MMP2: variants seen among roughly 807,000 people sequenced by gnomAD.
MMP2 encodes 72 kDa type IV collagenase.
In MMP2, 39 loss-of-function variants were observed where a neutral mutation model predicts 74.8. The observed-to-expected ratio is 0.52, with a 90% CI of 0.40 to 0.68. The LOEUF is 0.68. MMP2 is among the 30% of genes least tolerant of loss of function. The pLI is 0.00. For synonymous variants in MMP2, 367 were observed against 339.8 expected, an observed-to-expected ratio of 1.08 and a Z score of -0.88; for missense variants, 803 against 878.3, an observed-to-expected ratio of 0.91 and a Z score of 1.08.
Position 55,485,824 on chromosome 16 carries a change from G to C in MMP2, c.832+47G>C, listed in dbSNP as rs1962234764. On this transcript the variant is annotated intron_variant, in intron 5 of 12. Transcript: ENST00000219070. Reference sequence around the variant, plus strand: ...CAAGACTTTCCACCCCAAGCCTCCAGCTTCCCGGGCTCCCCAGTGTGCTCT... The same window carrying C: ...CAAGACTTTCCACCCCAAGCCTCCACCTTCCCGGGCTCCCCAGTGTGCTCT... 3 of 1,596,404 alleles carry C rather than the reference G, an allele frequency of 1.9e-6. No homozygotes were observed. In the East Asian group the frequency reaches 6.7e-5, roughly 36 times the overall value.
intron 12 of MMP2, among the ~76,000 whole-genome samples, chr16:55,503,239 GT>G (rs1332798708): frequency 6.6e-6 from 1 of 152,200 alleles, no homozygotes; most frequent in Non-Finnish European, 1.5e-5. Flanking sequence ...CAGGAGGCCT[GT>G]GACCACCTCC....
At position 55,493,148 on chromosome 16, in the gene MMP2, T is replaced by C; in HGVS notation, c.1337-10T>C. The C allele has an allele frequency of 6.2e-7, 1 of 1,613,282 alleles. No individual in the cohort carries two copies. Among genetic ancestry groups the C allele is most frequent in the Admixed American group, 1.7e-5 (1 of 60,016 alleles). ...GCTGCAGAGAGTCTAAGGTCAGGTG[T>C]TCTCCCCAGGGGCCTCTCCTGACAT... On this transcript the variant is annotated splice_polypyrimidine_tract_variant and intron_variant, in intron 8 of 12. Transcript: ENST00000219070.
chr16:55,493,303 G>A lies in MMP2; in HGVS notation c.1472+10G>A. ...TCTTCTTCAAGGACCGGTGAGTGCA[G>A]GAGCTTGCTTCTTGTCCTCCTTGTC... On this transcript the variant is annotated intron_variant, in intron 9 of 12. Transcript: ENST00000219070. 1.2e-6 allele frequency: 2 copies of A among 1,614,118 alleles called. No individual in the cohort carries two copies. Among genetic ancestry groups the A allele is most frequent in the East Asian group, 4.5e-5 (2 of 44,864 alleles).
At chr16:55,496,905 T>C in intron 9 of MMP2, 21 bp from the exon 10 acceptor site, 14 of 1,613,368 alleles carry the variant, frequency 8.7e-6, no homozygotes, top group Non-Finnish European at 1.2e-5. Context: ...TGGTTTCCTG[T>C]GCCCCCTTGC....
intron 2 of MMP2, 132 bp downstream of exon 2, chr16:55,483,267 A>G: frequency 3.0e-6 from 2 of 675,314 alleles, no homozygotes; most frequent in Non-Finnish European, 2.6e-6. Flanking sequence ...AGGGAGTTTC[A>G]ATACACAGTT....
At chr16:55,490,221 A>G (rs1962370653) in intron 7 of MMP2, among the ~76,000 whole-genome samples, 1 of 152,194 alleles carries the variant, frequency 6.6e-6, no homozygotes, top group Admixed American at 6.5e-5. Flanking sequence ...CCTAAGAGAC[A>G]TTCCCACTGC....
At position 55,502,688 on chromosome 16, in the gene MMP2, A is replaced by C; in HGVS notation, c.1770-91A>C. On this transcript the variant is annotated intron_variant, in intron 11 of 12. Coordinates refer to ENST00000219070, the MANE Select transcript of MMP2 (RefSeq NM_004530.6). ...TAGGTCCAGTTTCCGAGGCCTATCC[A>C]GGAGCCATCAGCTGGGTGCTCCCAT... 14 of 1,151,750 alleles carry C rather than the reference A, an allele frequency of 1.2e-5. No individual in the cohort carries two copies. The South Asian group carries it at 1.8e-4, about 14-fold the overall frequency. The allele number at this position is 1,151,750 out of a possible 1,614,324, so 71.3% of individuals were successfully genotyped here. A position where few individuals can be genotyped will look rare whatever the true frequency, so the allele number is the denominator to read the frequency against.
chr16:55,489,572 G>T lies in MMP2; in HGVS notation c.1007-79G>T, dbSNP rs931658405. 1.2e-5 allele frequency: 18 copies of T among 1,555,356 alleles called. No individual in the cohort carries two copies. In the African/African-American group the frequency reaches 2.4e-4, roughly 21 times the overall value. ...GTCTAACTTAGGTGTGGTTCATTAA[G>T]GTCAGCGTCATGTCATTGCTTCCTG... On this transcript the variant is annotated intron_variant, in intron 6 of 12. Coordinates refer to ENST00000219070, the MANE Select transcript of MMP2 (RefSeq NM_004530.6).
chr16:55,494,203 A>G (rs1459224115), intron 9 of MMP2, among the ~76,000 whole-genome samples: 2 of 152,226 alleles, frequency 1.3e-5, no homozygotes, highest in African/African-American at 4.8e-5. Context: ...CTCTGAAGCC[A>G]GATTCTCTGG....
In MMP2 at chr16:55,498,462, G is replaced by A. The variant is rs775673286; in HGVS notation, c.1769+14G>A. ...CAAATTCTGGAGGTAAGGGAGGGCG[G>A]TGGGTAGGACAGCAGCACAGTTGGC... is the stretch of plus-strand genomic sequence containing the variant. On this transcript the variant is annotated intron_variant, in intron 11 of 12. Coordinates refer to ENST00000219070, the MANE Select transcript of MMP2 (RefSeq NM_004530.6). The A allele has an allele frequency of 5.6e-6, 9 of 1,614,144 alleles. No individual in the cohort carries two copies. In the South Asian group the frequency reaches 9.9e-5, roughly 18 times the overall value.
In MMP2 at chr16:55,497,018, C is replaced by T. The variant is rs762457388; in HGVS notation, c.1565C>T (p.Ala522Val). 62 of 1,613,988 alleles carry T rather than the reference C, an allele frequency of 3.8e-5. No homozygotes were observed. The highest frequency in any genetic ancestry group is 2.5e-4 in the South Asian group (23 of 91,082). The change falls in exon 10 of 13, where the codon GCG becomes GTG. Residue 522 changes from alanine (A) to valine (V), a missense_variant. Ala to Val is a moderately conservative substitution (Grantham distance 64, BLOSUM62 0). Coordinates refer to ENST00000219070, the MANE Select transcript of MMP2 (RefSeq NM_004530.6). Reference protein sequence around the residue: ...FWPELPEKIDAVYEAPQEEKA... With the variant: ...FWPELPEKIDVVYEAPQEEKA... The stretch of plus-strand genomic sequence containing the variant: ...CCTGAGCTCCCGGAAAAGATTGATG[C>T]GGTATACGAGGCCCCACAGGAGGAG...
rs781428467 is a variant in MMP2, at chr16:55,479,491, A to T, written c.12A>T (p.Leu4=). Residue 4 remains leucine, a synonymous_variant, in exon 1 of 13, where the codon CTA becomes CTT. Coordinates refer to ENST00000219070, the MANE Select transcript of MMP2 (RefSeq NM_004530.6). ...CAGGGAGCGCTACGATGGAGGCGCT[A>T]ATGGCCCGGGGCGCGCTCACGGGTC... MEA[L]MARGALTGPL... The T allele has an allele frequency of 6.3e-7, 1 of 1,581,600 alleles. No individual in the cohort carries two copies. Among genetic ancestry groups the T allele is most frequent in the African/African-American group, 1.4e-5 (1 of 73,880 alleles).
chr16:55,495,145 G>A (rs1410071904), intron 9 of MMP2, among the ~76,000 whole-genome samples: 2 of 152,216 alleles, frequency 1.3e-5, no homozygotes, highest in South Asian at 4.1e-4. Flanking sequence ...GAGAAATCAG[G>A]TCCCGTCAGG....
chr16:55,479,639 T>C lies in MMP2; in HGVS notation c.153+7T>C. ...GGACAAAGAGTTGGCAGTGGTGAGT[T>C]GCTGCGCTGGCCTCAAGGAACCACG... On this transcript the variant is annotated splice_region_variant and intron_variant, in intron 1 of 12. Coordinates refer to ENST00000219070, the MANE Select transcript of MMP2 (RefSeq NM_004530.6). 1.2e-6 allele frequency: 2 copies of C among 1,613,712 alleles called. No homozygotes were observed. The highest frequency in any genetic ancestry group is 1.7e-6 in the Non-Finnish European group (2 of 1,179,994).
At chr16:55,498,251 G>A in intron 10 of MMP2, 38 bp from the exon 11 acceptor site, 1 of 1,612,480 alleles carries the variant, frequency 6.2e-7, no homozygotes, top group South Asian at 1.1e-5. Context: ...CCTAGGGCAT[G>A]TCAGCACCAG....
At chr16:55,489,947 T>G in intron 7 of MMP2, 123 bp downstream of exon 7, 1 of 1,114,560 alleles carries the variant, frequency 9.0e-7, no homozygotes, top group Non-Finnish European at 1.3e-6. Flanking sequence ...GACACCCACC[T>G]ACCCAGACCC....
At position 55,505,708 on chromosome 16, in the gene MMP2, A is replaced by T; in HGVS notation, c.*266A>T. The T allele has an allele frequency of 1.9e-6, 1 of 531,060 alleles. No homozygotes were observed. Among genetic ancestry groups the T allele is most frequent in the East Asian group, 3.3e-5 (1 of 30,318 alleles). The allele number at this position is 531,060 out of a possible 1,614,324, so 32.9% of individuals were successfully genotyped here. On this transcript the variant is annotated 3_prime_UTR_variant, in exon 13 of 13. Coordinates refer to ENST00000219070, the MANE Select transcript of MMP2 (RefSeq NM_004530.6). ...GAGCCACCCCTAAAGAGATACTTTG[A>T]TATTTTCAACGCAGCCCTGCTTTGG...
upstream of MMP2, chr16:55,478,970 G>A (rs1032595737): frequency 1.3e-5 from 2 of 152,576 alleles, no homozygotes; most frequent in African/African-American, 4.8e-5. Context: ...AGAGAGGCAA[G>A]TGGGGTGACG....
intron 8 of MMP2, among the ~76,000 whole-genome samples, chr16:55,492,344 C>T (rs1370166897): frequency 6.6e-6 from 1 of 152,086 alleles, no homozygotes; most frequent in Non-Finnish European, 1.5e-5. Context: ...CTTAACAATA[C>T]GGGGGTGGAA....
Sources: gnomAD v4.1 joint callset for allele counts (sites outside exome capture counted in the v4.1 genomes callset) on GRCh38, gnomAD v4.1.1 for gene constraint, MANE v1.5 for transcripts, NCBI Gene and HGNC (gene_info 2026-07-23, HGNC 2026-07-21) for gene names.